PTCH1: variants seen among roughly 807,000 people sequenced by gnomAD.
The protein encoded by PTCH1 is protein patched homolog 1.
Under a neutral mutation model 144.6 loss-of-function variants are expected in PTCH1, and 14 were observed. The observed-to-expected ratio is 0.10, with a 90% CI of 0.06 to 0.15. The LOEUF (loss-of-function observed/expected upper bound fraction) is 0.15. PTCH1 is among the 10% of genes least tolerant of loss of function. The pLI, the probability that PTCH1 is intolerant of heterozygous loss-of-function variation, is 1.00. For missense variants in PTCH1, 1,623 were observed against 1,948.3 expected (o/e 0.83, Z 3.14); for synonymous variants, 833 against 793.6 (o/e 1.05, Z -0.83).
chr9:95,502,982 C>A (rs1226792596), intron 2 of PTCH1, among the ~76,000 whole-genome samples: 1 of 152,206 alleles, frequency 6.6e-6, no homozygotes, highest in South Asian at 2.1e-4. Context: ...TGTGCATACA[C>A]ACACACGCTC....
chr9:95,485,598 T>C (rs1841895617), intron 3 of PTCH1, 87 bp downstream of exon 3: 3 of 1,521,228 alleles, frequency 2.0e-6, no homozygotes, highest in Non-Finnish European at 2.7e-6. Flanking sequence ...GGCAACTTCA[T>C]TTACTAAAAT....
chr9:95,469,236 G>A (rs2118070568), intron 13 of PTCH1, 83 bp from the exon 14 acceptor site: 4 of 1,554,522 alleles, frequency 2.6e-6, no homozygotes, highest in Non-Finnish European at 3.5e-6. Flanking sequence ...ACTGTGTACG[G>A]AGAATACCCA....
Position 95,508,671 on chromosome 9 carries a change from C to T in PTCH1, c.-310G>A. ...TGCCCACATCCAGTTCGCGGAAGAG[C>T]GAGAGCCGGCGCGCCGAGCGAGCCT... is the stretch of plus-strand genomic sequence containing the variant. On this transcript the variant is annotated 5_prime_UTR_variant, in exon 1 of 24. Transcript: ENST00000331920. The T allele has an allele frequency of 1.0e-6, 1 of 987,616 alleles. No homozygotes were observed. Among genetic ancestry groups the T allele is most frequent in the Non-Finnish European group, 1.2e-6 (1 of 831,602 alleles). 61.2% of individuals were successfully genotyped at this position (987,616 alleles called of 1,614,324 possible).
intron 4 of PTCH1, 40 bp from the exon 5 acceptor site, chr9:95,482,080 G>A (rs752445903): frequency 1.2e-6 from 2 of 1,610,298 alleles, no homozygotes; most frequent in Admixed American, 1.7e-5. Flanking sequence ...GTTAGGTTAA[G>A]GCACACTACT....
At chr9:95,447,747 C>T (rs1053237587) in intron 22 of PTCH1, among the ~76,000 whole-genome samples, 1 of 152,222 alleles carries the variant, frequency 6.6e-6, no homozygotes. Flanking sequence ...TGCTGCCCCC[C>T]ACAACCTGCC....
chr9:95,516,614 C>T lies in PTCH1; in HGVS notation c.-143G>A, dbSNP rs557859026. 5 of 1,606,828 alleles carry T rather than the reference C, an allele frequency of 3.1e-6. No homozygotes were observed. The African/African-American group carries it at 6.7e-5, about 22-fold the overall frequency. On this transcript the variant is annotated 5_prime_UTR_variant, in exon 1 of 23. Transcript: ENST00000430669. ...GTCTTCTCCCAGTCTTCCCTCGTCT[C>T]CCCCTTGCCTTGTCGCTGCGGGTCT...
intron 12 of PTCH1, among the ~76,000 whole-genome samples, chr9:95,474,762 G>A (rs1032313977): frequency 2.6e-5 from 4 of 152,140 alleles, no homozygotes; most frequent in African/African-American, 9.7e-5. Flanking sequence ...GAAAGACTAG[G>A]AAAGAGCTAA....
In PTCH1 at chr9:95,468,862, G is replaced by C. The variant is rs143630307; in HGVS notation, c.2139C>G (p.Ser713=). The C allele has an allele frequency of 6.2e-7, 1 of 1,614,190 alleles. No homozygotes were observed. The highest frequency in any genetic ancestry group is 8.5e-7 in the Non-Finnish European group (1 of 1,180,030). The change falls in exon 14 of 24, where the codon TCC becomes TCG. Residue 713 remains serine (S), a synonymous_variant. Transcript: ENST00000331920. ...ESTSSTRDLL[S]QFSDSSLHCL... ...AGTGGAGGCTGGAGTCGGAGAACTG[G>C]GAGAGCAGGTCCCTTGTGGAGCTGG...
chr9:95,466,798 G>A (rs1422529335), intron 15 of PTCH1, among the ~76,000 whole-genome samples: 1 of 152,154 alleles, frequency 6.6e-6, no homozygotes, highest in African/African-American at 2.4e-5. Context: ...CACCAAACTA[G>A]CCACCGTCTA....
In PTCH1 at chr9:95,478,067, G is replaced by T. The variant is rs537660949; in HGVS notation, c.1335C>A (p.Gly445=). The T allele has an allele frequency of 2.1e-5, 34 of 1,614,110 alleles. No homozygotes were observed. Among genetic ancestry groups the T allele is most frequent in the Non-Finnish European group, 2.7e-5 (32 of 1,180,054 alleles). ...CATCGAGCGTTACCATGAGTAAGTAGCCGCTGGCCACGCGGATGACACTGA... is the reference window on the plus strand; with the variant it reads ...CATCGAGCGTTACCATGAGTAAGTATCCGCTGGCCACGCGGATGACACTGA... ...SDVSVIRVAS[G]YLLMLAYACL... The change falls in exon 9 of 24, where the codon GGC becomes GGA. Residue 445 remains glycine (G), a synonymous_variant. Transcript: ENST00000331920.
chr9:95,459,802 C>T lies in PTCH1; in HGVS notation c.2704-19G>A, dbSNP rs1251556766. 6.2e-7 allele frequency: 1 copy of T among 1,613,470 alleles called. No homozygotes were observed. Among genetic ancestry groups the T allele is most frequent in the Non-Finnish European group, 8.5e-7 (1 of 1,179,998 alleles). ...TAGTCAACTACAAAAACGGGAAGAA[C>T]AGAGGCCTTTGAGAATGGGGTTGGG... On this transcript the variant is annotated intron_variant, in intron 16 of 23. Coordinates refer to ENST00000331920, the MANE Select transcript of PTCH1 (RefSeq NM_000264.5).
In PTCH1 at chr9:95,478,124, G is replaced by C. The variant is rs1841226486; in HGVS notation, c.1278C>G (p.Thr426=). 1.2e-6 allele frequency: 2 copies of C among 1,614,088 alleles called. No individual in the cohort carries two copies. The highest frequency in any genetic ancestry group is 1.7e-6 in the Non-Finnish European group (2 of 1,180,050). The part of the protein sequence containing the change: ...TQKVLSFTTT[T]LDDILKSFSD... ...AGAAGGATTTCAGGATGTCGTCCAGGGTCGTGGTGGTGAAGGAAAGCACCT... is the reference window on the plus strand; with the variant it reads ...AGAAGGATTTCAGGATGTCGTCCAGCGTCGTGGTGGTGAAGGAAAGCACCT... The change falls in exon 9 of 24, where the codon ACC becomes ACG. Residue 426 remains threonine, a synonymous_variant. Coordinates refer to ENST00000331920, the MANE Select transcript of PTCH1 (RefSeq NM_000264.5).
chr9:95,475,491 G>A (rs548572684), intron 12 of PTCH1, among the ~76,000 whole-genome samples: 3 of 152,322 alleles, frequency 2.0e-5, no homozygotes, highest in Non-Finnish European at 4.4e-5. Context: ...CCACCGAGGC[G>A]GACCCTGCAG....
chr9:95,483,408 AGG>A (rs1841718483), intron 3 of PTCH1: 5 of 146,172 alleles, frequency 3.4e-5, no homozygotes, highest in Admixed American at 3.3e-4. Flanking sequence ...GTCCAAGGGA[AGG>A]AAAAAAAAAA....
Position 95,508,847 on chromosome 9 carries a change from C to T in PTCH1, c.-486G>A. On this transcript the variant is annotated 5_prime_UTR_variant, in exon 1 of 24. Coordinates refer to ENST00000331920, the MANE Select transcript of PTCH1 (RefSeq NM_000264.5). ...CTGGCTCTCTCGGCGCCTCCCGGGT[C>T]GCCCGAGCGGCCGCGGAGGGCAAGC... is the stretch of plus-strand genomic sequence containing the variant. 1.0e-6 allele frequency: 1 copy of T among 983,976 alleles called. No individual in the cohort carries two copies. Among genetic ancestry groups the T allele is most frequent in the Non-Finnish European group, 1.2e-6 (1 of 829,384 alleles). The allele number at this position is 983,976 out of a possible 1,614,324, so 61.0% of individuals were successfully genotyped here.
chr9:95,446,207 A>T lies in PTCH1; in HGVS notation c.*186T>A, dbSNP rs977327674. The T allele has an allele frequency of 2.6e-6, 1 of 378,578 alleles. No homozygotes were observed. Among genetic ancestry groups the T allele is most frequent in the East Asian group, 7.2e-5 (1 of 13,950 alleles). The allele number at this position is 378,578 out of a possible 1,614,324, so 23.5% of individuals were successfully genotyped here. A position where few individuals can be genotyped will look rare whatever the true frequency, so the allele number is the denominator to read the frequency against. On this transcript the variant is annotated 3_prime_UTR_variant, in exon 24 of 24. Transcript: ENST00000331920. ...TCCTTCCTATATTACACATGTGTAC[A>T]TCTCTTAAATATTTATAGAAATATT...
In PTCH1 at chr9:95,446,243, A is replaced by G. The variant is rs1837867846; in HGVS notation, c.*150T>C. The stretch of plus-strand genomic sequence containing the variant: ...ATTTATAGAAATATTTAACAAAATA[A>G]TACAATCGGTTACAGTAACAATGAA... On this transcript the variant is annotated 3_prime_UTR_variant, in exon 24 of 24. Coordinates refer to ENST00000331920, the MANE Select transcript of PTCH1 (RefSeq NM_000264.5). The G allele has an allele frequency of 2.4e-6, 1 of 414,142 alleles. No individual in the cohort carries two copies. Among genetic ancestry groups the G allele is most frequent in the African/African-American group, 2.1e-5 (1 of 47,630 alleles). The allele number at this position is 414,142 out of a possible 1,614,324, so 25.7% of individuals were successfully genotyped here.
At position 95,508,280 on chromosome 9, in the gene PTCH1, C is replaced by G; in HGVS notation, c.82G>C (p.Ala28Pro). The part of the protein sequence containing the change: ...SGCIGAPGRP[A>P]GGGRRRRTGG... ...GTCCGTCTGCGCCTCCCGCCTCCAGCCGGCCGTCCCGGGGCACCGATACAG... is the reference window on the plus strand; with the variant it reads ...GTCCGTCTGCGCCTCCCGCCTCCAGGCGGCCGTCCCGGGGCACCGATACAG... Residue 28 changes from alanine to proline, a missense_variant, in exon 1 of 24, where the codon GCT (alanine) becomes CCT (proline). This residue lies in a region of PTCH1 where 245 missense variants were observed against 240.6 expected (regional missense o/e 1.02). Transcript: ENST00000331920. 1 of 1,551,328 alleles carries G rather than the reference C, an allele frequency of 6.4e-7. No individual in the cohort carries two copies. The highest frequency in any genetic ancestry group is 1.2e-5 in the South Asian group (1 of 84,792).
At position 95,506,560 on chromosome 9, in the gene PTCH1, C is replaced by G. The variant is rs2118880380; in HGVS notation, c.241G>C (p.Ala81Pro). 6.2e-7 allele frequency: 1 copy of G among 1,613,124 alleles called. No homozygotes were observed. The highest frequency in any genetic ancestry group is 8.5e-7 in the Non-Finnish European group (1 of 1,179,538). Residue 81 changes from alanine to proline, a missense_variant, in exon 2 of 24, where the codon GCG becomes CCG. Ala to Pro is a conservative substitution (Grantham distance 27). Transcript: ENST00000331920. ...TGRKAPLWLR[A>P]KFQRLLFKLG... is the part of the protein sequence containing the mutation. ...TTAAATAAGAGTCTCTGAAACTTCG[C>G]TCTCAGCCACAGCGGCGCTTTCCGG... is the stretch of plus-strand genomic sequence containing the variant.
Sources: gnomAD v4.1 joint callset for allele counts (sites outside exome capture counted in the v4.1 genomes callset) on GRCh38, gnomAD v4.1.1 for gene constraint, gnomAD v4.1.1 regional missense constraint, MANE v1.5 for transcripts, NCBI Gene and HGNC (gene_info 2026-07-23, HGNC 2026-07-21) for gene names.